Variants in NALCN observed in about 807,000 individuals in gnomAD.
The protein encoded by NALCN is sodium leak channel NALCN.
Under a neutral mutation model 225.3 loss-of-function variants are expected in NALCN, and 111 were observed. The observed-to-expected ratio is 0.49, with a 90% CI of 0.42 to 0.58. The LOEUF (loss-of-function observed/expected upper bound fraction) is 0.58, where lower values mean the gene tolerates loss of function less well. NALCN is among the 20% of genes least tolerant of loss of function. The pLI is 0.00. For synonymous variants in NALCN, 764 were observed against 769.0 expected, an observed-to-expected ratio of 0.99 and a Z score of 0.11; for missense variants, 1,378 against 2,202.4, an observed-to-expected ratio of 0.63 and a Z score of 7.49.
intron 13 of NALCN, among the ~76,000 whole-genome samples, chr13:101,198,477 A>G (rs912746139): frequency 1.3e-5 from 2 of 152,338 alleles, no homozygotes; most frequent in Non-Finnish European, 1.5e-5. Context: ...AAAAGTGGGC[A>G]AAGGATTTGA....
At chr13:101,061,708 T>A (rs923065933) in intron 41 of NALCN, among the ~76,000 whole-genome samples, 1 of 152,138 alleles carries the variant, frequency 6.6e-6, no homozygotes, top group African/African-American at 2.4e-5. Flanking sequence ...TAAGTCTTCA[T>A]GTCATATTAT....
At chr13:101,099,011 A>C (rs1023752281) in intron 27 of NALCN, among the ~76,000 whole-genome samples, 3 of 146,366 alleles carry the variant, frequency 2.0e-5, no homozygotes, top group Non-Finnish European at 4.4e-5. Flanking sequence ...GTCACCATCA[A>C]TCTTCAGCTT....
intron 10 of NALCN, among the ~76,000 whole-genome samples, chr13:101,265,265 A>G (rs1020901852): frequency 3.3e-5 from 5 of 152,182 alleles, no homozygotes; most frequent in African/African-American, 1.2e-4. Context: ...GGGCTACAAA[A>G]TGGTACCTGA....
Position 101,414,020 on chromosome 13 carries a change from G to C in NALCN, c.-40+2293C>G, listed in dbSNP as rs572662660. Reference sequence around the variant, plus strand: ...TCCACCTCAGCCTCCCAAGTAACTGGGGCTACAGGTGTACACCACTACACT... The same window carrying C: ...TCCACCTCAGCCTCCCAAGTAACTGCGGCTACAGGTGTACACCACTACACT... On this transcript the variant is annotated intron_variant, in intron 1 of 43. Transcript: ENST00000251127. Among the ~76,000 whole-genome samples the C allele has an allele frequency of 2.6e-5, 4 of 151,758 alleles. No homozygotes were observed. The South Asian group carries it at 8.4e-4, about 32-fold the overall frequency.
At chr13:101,330,190 A>G (rs555349846) in intron 7 of NALCN, among the ~76,000 whole-genome samples, 5 of 152,062 alleles carry the variant, frequency 3.3e-5, no homozygotes, top group African/African-American at 4.8e-5. Context: ...ACAAGGAAAT[A>G]GATAAAAGAG....
At chr13:101,133,487 T>A (rs1358862836) in intron 17 of NALCN, among the ~76,000 whole-genome samples, 4 of 152,218 alleles carry the variant, frequency 2.6e-5, no homozygotes, top group African/African-American at 9.6e-5. Context: ...GTGTAATTAT[T>A]GTAACGAGCC....
At chr13:101,344,536 TAACA>T (rs1309820593) in intron 7 of NALCN, among the ~76,000 whole-genome samples, 1 of 152,180 alleles carries the variant, frequency 6.6e-6, no homozygotes, top group Non-Finnish European at 1.5e-5. Context: ...ATTACTCTGA[TAACA>T]ATTCTCAAGG....
chr13:101,274,597 G>T (rs1042750829), intron 10 of NALCN, among the ~76,000 whole-genome samples: 8 of 152,140 alleles, frequency 5.3e-5, no homozygotes, highest in Admixed American at 1.3e-4. Context: ...TTTTTTATCT[G>T]TGTTTCTAAA....
At chr13:101,211,105 G>C (rs2040506129) in intron 13 of NALCN, among the ~76,000 whole-genome samples, 1 of 152,068 alleles carries the variant, frequency 6.6e-6, no homozygotes, top group South Asian at 2.1e-4. Flanking sequence ...ACACGGTCAT[G>C]TTTTCATCAC....
intron 6 of NALCN, among the ~76,000 whole-genome samples, chr13:101,353,210 T>A (rs2045955919): frequency 6.6e-6 from 1 of 152,178 alleles, no homozygotes; most frequent in Non-Finnish European, 1.5e-5. Context: ...GAATATAGCC[T>A]TTGATACCTT....
intron 15 of NALCN, among the ~76,000 whole-genome samples, chr13:101,154,284 G>T (rs1162540881): frequency 6.6e-6 from 1 of 152,196 alleles, no homozygotes; most frequent in Admixed American, 6.5e-5. Context: ...CAATTTTCCT[G>T]ATTCCAGAGC....
intron 1 of NALCN, among the ~76,000 whole-genome samples, chr13:101,414,201 A>G (rs552398962): frequency 2.0e-5 from 3 of 152,096 alleles, no homozygotes; most frequent in Non-Finnish European, 4.4e-5. Flanking sequence ...ACCATTCTTA[A>G]TATGTTTAAG....
chr13:101,237,747 T>C lies in NALCN; in HGVS notation c.1434+8A>G. Reference sequence around the variant, plus strand: ...TTTCTAAAGACAAATAGGCATTATTTTTATTACCTGAAAGTACGTGAATTG... The same window carrying C: ...TTTCTAAAGACAAATAGGCATTATTCTTATTACCTGAAAGTACGTGAATTG... On this transcript the variant is annotated splice_region_variant and intron_variant, in intron 12 of 43. Coordinates refer to ENST00000251127, the MANE Select transcript of NALCN (RefSeq NM_052867.4). 1 of 1,550,638 alleles carries C rather than the reference T, an allele frequency of 6.4e-7. No individual in the cohort carries two copies. Among genetic ancestry groups the C allele is most frequent in the Middle Eastern group, 1.8e-4 (1 of 5,700 alleles).
chr13:101,311,450 G>T (rs1463905042), intron 7 of NALCN, among the ~76,000 whole-genome samples: 5 of 125,240 alleles, frequency 4.0e-5, no homozygotes, highest in South Asian at 2.5e-4. Context: ...GTTTTCAAAG[G>T]GAATGCTTCC....
chr13:101,380,719 G>A (rs892793468), intron 3 of NALCN, among the ~76,000 whole-genome samples: 1 of 152,126 alleles, frequency 6.6e-6, no homozygotes, highest in African/African-American at 2.4e-5. Context: ...TCTGGAAATA[G>A]TTTATGGTGT....
intron 13 of NALCN, among the ~76,000 whole-genome samples, chr13:101,200,012 T>G (rs1468583511): frequency 6.6e-6 from 1 of 152,044 alleles, no homozygotes; most frequent in Admixed American, 6.6e-5. Context: ...CCTCAGATCT[T>G]TTCTTATATC....
chr13:101,363,722 A>G (rs571181269), intron 6 of NALCN, among the ~76,000 whole-genome samples: 9 of 152,240 alleles, frequency 5.9e-5, no homozygotes, highest in Non-Finnish European at 7.4e-5. Context: ...CTAAAGCAAA[A>G]ATAGATAAAT....
intron 3 of NALCN, among the ~76,000 whole-genome samples, chr13:101,385,661 C>G (rs2046966858): frequency 6.6e-6 from 1 of 152,150 alleles, no homozygotes; most frequent in South Asian, 2.1e-4. Context: ...TGGGCCCAAT[C>G]TTGTACCAGC....
chr13:101,197,305 C>T (rs995827295), intron 13 of NALCN, among the ~76,000 whole-genome samples: 1 of 152,076 alleles, frequency 6.6e-6, no homozygotes, highest in African/African-American at 2.4e-5. Context: ...TCCTCCGCGA[C>T]CCTTTCCTTT....
Sources: allele counts gnomAD v4.1 joint callset (sites outside exome capture counted in the v4.1 genomes callset), GRCh38; gene constraint gnomAD v4.1.1; transcripts MANE v1.5; gene names NCBI Gene and HGNC (gene_info 2026-07-23, HGNC 2026-07-21).